Variants in MRTFA observed in about 807,000 individuals in gnomAD.
MRTFA encodes myocardin related transcription factor A.
MRTFA carries 20 observed loss-of-function variants against 83.5 expected under a neutral mutation model. The observed-to-expected ratio is 0.24, with a 90% CI of 0.17 to 0.35. The LOEUF is 0.35. MRTFA is among the 10% of genes least tolerant of loss of function. The pLI is 1.00. For synonymous variants in MRTFA, 659 were observed against 541.2 expected (o/e 1.22, Z -3.02); for missense variants, 1,200 against 1,224.7 (o/e 0.98, Z 0.30).
chr22:40,537,530 C>T (rs1602401619), intron 3 of MRTFA, among the ~76,000 whole-genome samples: 1 of 1,246 alleles, frequency 8.0e-4, no homozygotes, highest in Non-Finnish European at 1.6e-3. Context: ...CCGCCCCGTC[C>T]GGGAGGGAGG....
rs111632596 is a variant in MRTFA at position 40,410,299 on chromosome 22, GTGTT to G, written c.*1087_*1090del. 9.0e-6 allele frequency: 5 copies of G among 556,502 alleles called. No homozygotes were observed. Among genetic ancestry groups the G allele is most frequent in the Non-Finnish European group, 1.2e-5 (5 of 416,680 alleles). The allele number at this position is 556,502 out of a possible 1,614,324, so 34.5% of individuals were successfully genotyped here. ...GATGGACTAACAGGCCTGTGTTTTT[GTGTT>G]TATTTTAAAAAGTTCACACACCTTC... On this transcript the variant is annotated 3_prime_UTR_variant, in exon 15 of 15. Transcript: ENST00000355630.
intron 1 of MRTFA, among the ~76,000 whole-genome samples, chr22:40,626,677 A>T (rs2056585610): frequency 6.6e-6 from 1 of 152,208 alleles, no homozygotes; most frequent in African/African-American, 2.4e-5. Flanking sequence ...GACTACTTTA[A>T]ATATATCCAT....
chr22:40,419,937 G>GT (rs2052792759), intron 11 of MRTFA, among the ~76,000 whole-genome samples: 1 of 152,224 alleles, frequency 6.6e-6, no homozygotes, highest in South Asian at 2.1e-4. Flanking sequence ...GAACGGCAGA[G>GT]TGAGCTCTGC....
At chr22:40,527,174 TGACA>T (rs200717822) in intron 3 of MRTFA, among the ~76,000 whole-genome samples, 7,540 of 151,904 alleles carry the variant, frequency 0.05, 687 homozygotes, top group Admixed American at 0.25. Flanking sequence ...TTTTAAATTA[TGACA>T]GACTATAAAA....
At chr22:40,523,477 C>A (rs1208263005) in intron 3 of MRTFA, 1 of 152,160 alleles carries the variant, frequency 6.6e-6, no homozygotes, top group East Asian at 1.9e-4. Context: ...GTATCTGGGA[C>A]TACAGGTGTG....
intron 1 of MRTFA, among the ~76,000 whole-genome samples, chr22:40,621,994 G>A (rs1195396267): frequency 6.6e-6 from 1 of 152,144 alleles, no homozygotes; most frequent in African/African-American, 2.4e-5. Context: ...TTGAGTTGAT[G>A]TTGCAATGGG....
chr22:40,576,261 C>T (rs2055867241), intron 2 of MRTFA, among the ~76,000 whole-genome samples: 1 of 152,028 alleles, frequency 6.6e-6, no homozygotes, highest in South Asian at 2.1e-4. Context: ...AAACTCCTGA[C>T]CTCAGGTGAT....
At chr22:40,485,739 C>G (rs1659925380) in intron 3 of MRTFA, among the ~76,000 whole-genome samples, 1 of 152,102 alleles carries the variant, frequency 6.6e-6, no homozygotes, top group African/African-American at 2.4e-5. Context: ...TGCGGAATCT[C>G]AAAGGCTAAC....
intron 1 of MRTFA, among the ~76,000 whole-genome samples, chr22:40,603,774 C>CT (rs57320222): frequency 2.0e-3 from 285 of 142,196 alleles, no homozygotes; most frequent in African/African-American, 3.7e-3. Context: ...TTTTTTTTTA[C>CT]TTTTTTTTTT....
chr22:40,538,563 A>C (rs1041351999), intron 3 of MRTFA, among the ~76,000 whole-genome samples: 9 of 78,980 alleles, frequency 1.1e-4, no homozygotes, highest in Non-Finnish European at 1.9e-4. Flanking sequence ...AGAATTATCA[A>C]TAAAAAAATA....
chr22:40,587,711 T>A, intron 2 of MRTFA: 2 of 337,638 alleles, frequency 5.9e-6, no homozygotes, highest in South Asian at 3.4e-5. Flanking sequence ...GTGGCCTCCA[T>A]GACAGATATT....
intron 3 of MRTFA, among the ~76,000 whole-genome samples, chr22:40,549,072 G>GT (rs1041572318): frequency 3.8e-4 from 57 of 151,890 alleles, no homozygotes; most frequent in African/African-American, 8.9e-4. Context: ...GTTTCTGTTT[G>GT]TTTTTTTTAA....
intron 3 of MRTFA, among the ~76,000 whole-genome samples, chr22:40,545,627 TTCACCATG>T (rs2055351060): frequency 1.3e-5 from 2 of 151,562 alleles, no homozygotes; most frequent in Non-Finnish European, 2.9e-5. Flanking sequence ...GAGACGGGGT[TTCACCATG>T]TTGGCCAGGC....
chr22:40,550,306 A>G (rs2055425495), intron 3 of MRTFA, among the ~76,000 whole-genome samples: 1 of 152,144 alleles, frequency 6.6e-6, no homozygotes, highest in Non-Finnish European at 1.5e-5. Context: ...ATCATGGAAA[A>G]TTAAAAGGGT....
At chr22:40,569,271 G>T in intron 2 of MRTFA, 1 of 186,310 alleles carries the variant, frequency 5.4e-6, no homozygotes, top group South Asian at 1.3e-4. Flanking sequence ...AGTAGCCATT[G>T]AGCTGAGAAC....
chr22:40,472,576 A>T (rs73167064), intron 3 of MRTFA, among the ~76,000 whole-genome samples: 14,476 of 152,164 alleles, frequency 0.095, 756 homozygotes, highest in South Asian at 0.11. Flanking sequence ...ATAACAAATA[A>T]TTTTTTTCTC....
At chr22:40,573,962 C>T (rs971977576) in intron 2 of MRTFA, among the ~76,000 whole-genome samples, 3 of 152,026 alleles carry the variant, frequency 2.0e-5, no homozygotes, top group Non-Finnish European at 4.4e-5. Flanking sequence ...GTTGCCCAGG[C>T]TGGTCTCGAA....
At position 40,556,481 on chromosome 22, in the gene MRTFA, T is replaced by C. The variant is rs1602424382; in HGVS notation, c.-21-4114A>G. On this transcript the variant is annotated intron_variant, in intron 2 of 14. Coordinates refer to ENST00000355630, the MANE Select transcript of MRTFA (RefSeq NM_020831.6). Reference sequence around the variant, plus strand: ...TATGAAGAAAAAAGATACTAAGGACTCTCTACTCCAAAGAGACTGGAAGAA... The same window carrying C: ...TATGAAGAAAAAAGATACTAAGGACCCTCTACTCCAAAGAGACTGGAAGAA... 2.6e-5 allele frequency among the ~76,000 whole-genome samples: 4 copies of C among 152,012 alleles called. No homozygotes were observed. The Middle Eastern group carries it at 0.014, about 517-fold the overall frequency.
At chr22:40,414,761 G>T (rs1332189629) in intron 14 of MRTFA, among the ~76,000 whole-genome samples, 2 of 152,212 alleles carry the variant, frequency 1.3e-5, no homozygotes, top group Non-Finnish European at 2.9e-5. Flanking sequence ...TCCTTATGGG[G>T]TGATGAAGTT....
Sources: gnomAD v4.1 joint callset for allele counts (sites outside exome capture counted in the v4.1 genomes callset) on GRCh38, gnomAD v4.1.1 for gene constraint, MANE v1.5 for transcripts, NCBI Gene and HGNC (gene_info 2026-07-23, HGNC 2026-07-21) for gene names.